The following SUPT3H variants were observed in gnomAD, a reference collection of about 807,000 sequenced individuals.
SUPT3H encodes SPT3 homolog, SAGA and STAGA complex component, also known as transcription initiation protein SPT3 homolog.
Under a neutral mutation model 44.3 loss-of-function variants are expected in SUPT3H, and 44 were observed. The ratio of observed to expected loss-of-function variants is 0.99; its 90% CI spans 0.78 to 1.28. SUPT3H has a LOEUF of 1.28. SUPT3H is among the 50% of genes most tolerant of loss of function. The pLI is 0.00. For synonymous variants in SUPT3H, 124 were observed against 125.6 expected (o/e 0.99, Z 0.09); for missense variants, 380 against 387.1 (o/e 0.98, Z 0.15).
chr6:45,072,968 A>T (rs1794581802), intron 3 of SUPT3H, among the ~76,000 whole-genome samples: 1 of 152,154 alleles, frequency 6.6e-6, no homozygotes. Flanking sequence ...ACGAAACAAT[A>T]GTATCATTTA....
chr6:45,365,371 G>T, intron 1 of SUPT3H, 70 bp from the exon 2 acceptor site: 2 of 1,038,834 alleles, frequency 1.9e-6, no homozygotes, highest in Non-Finnish European at 2.8e-6. Context: ...AAAAAAGAAA[G>T]CAAATATAAA....
chr6:44,909,931 C>T (rs775675421), intron 10 of SUPT3H, among the ~76,000 whole-genome samples: 8 of 152,172 alleles, frequency 5.3e-5, no homozygotes, highest in South Asian at 2.1e-4. Flanking sequence ...AGAACTCTCA[C>T]GAATTGCTGG....
At chr6:45,085,447 C>T (rs993655386) in intron 3 of SUPT3H, among the ~76,000 whole-genome samples, 4 of 152,096 alleles carry the variant, frequency 2.6e-5, no homozygotes, top group African/African-American at 9.7e-5. Context: ...CCTTTTTTTA[C>T]ATCTGACAAA....
chr6:44,973,525 C>G (rs1777889008), intron 6 of SUPT3H, among the ~76,000 whole-genome samples: 1 of 152,140 alleles, frequency 6.6e-6, no homozygotes, highest in Admixed American at 6.5e-5. Flanking sequence ...CAGACTTTCC[C>G]ATATTTTCCT....
intron 2 of SUPT3H, among the ~76,000 whole-genome samples, chr6:45,166,891 T>G (rs1270640556): frequency 6.6e-6 from 1 of 152,182 alleles, no homozygotes; most frequent in African/African-American, 2.4e-5. Flanking sequence ...TTGACGAAGA[T>G]ATGAGTAACT....
Position 45,103,205 on chromosome 6 carries a change from T to C in SUPT3H, c.186+2717A>G, listed in dbSNP as rs151246212. Among the ~76,000 whole-genome samples the C allele has an allele frequency of 3.3e-5, 5 of 152,344 alleles. No homozygotes were observed. In the East Asian group the frequency reaches 9.6e-4, roughly 29 times the overall value. On this transcript the variant is annotated intron_variant, in intron 3 of 10. Coordinates refer to ENST00000371459, the MANE Select transcript of SUPT3H (RefSeq NM_003599.4). ...AGGTAAACAAAACAAGGTTTTCCTC[T>C]AGTTAGGTATATCATTCAATGTAAT...
chr6:45,205,443 TG>T lies in SUPT3H; in HGVS notation c.102-99438del, dbSNP rs1266570019. Among the ~76,000 whole-genome samples, 8 of 152,182 alleles carry T rather than the reference TG, an allele frequency of 5.3e-5. No homozygotes were observed. The East Asian group carries it at 1.2e-3, about 22-fold the overall frequency. ...ACATAATATAAAATTCCTGAAATTC[TG>T]ATAAACTTTATATAATGTATAGCTT... On this transcript the variant is annotated intron_variant, in intron 2 of 10. Transcript: ENST00000371459.
intron 3 of SUPT3H, among the ~76,000 whole-genome samples, chr6:45,033,921 G>C (rs1181758737): frequency 6.6e-6 from 1 of 152,106 alleles, no homozygotes; most frequent in South Asian, 2.1e-4. Flanking sequence ...GAATTTAACT[G>C]GCTGAATCTC....
In SUPT3H at chr6:45,295,270, G is replaced by C. The variant is rs548487192; in HGVS notation, c.101+69931C>G. 2.0e-5 allele frequency among the ~76,000 whole-genome samples: 3 copies of C among 151,778 alleles called. No homozygotes were observed. The South Asian group carries it at 6.3e-4, about 32-fold the overall frequency. ...GAACACTTTTCAACAAATGGTGCTG[G>C]GATACTAGGCTAGCCACATGTAGGA... On this transcript the variant is annotated intron_variant, in intron 2 of 10. Coordinates refer to ENST00000371459, the MANE Select transcript of SUPT3H (RefSeq NM_003599.4).
intron 9 of SUPT3H, among the ~76,000 whole-genome samples, chr6:44,948,815 T>C (rs561322753): frequency 7.4e-4 from 112 of 152,244 alleles, no homozygotes; most frequent in Non-Finnish European, 8.1e-4. Flanking sequence ...AGTTCAACCA[T>C]TGTGGAAGAC....
At chr6:45,123,337 T>G (rs931707405) in intron 2 of SUPT3H, among the ~76,000 whole-genome samples, 11 of 151,986 alleles carry the variant, frequency 7.2e-5, no homozygotes, top group Non-Finnish European at 1.5e-4. Flanking sequence ...AATCATCAAT[T>G]TTTTTAAGTG....
intron 2 of SUPT3H, among the ~76,000 whole-genome samples, chr6:45,363,163 C>G (rs1307087579): frequency 6.6e-6 from 1 of 152,092 alleles, no homozygotes; most frequent in African/African-American, 2.4e-5. Flanking sequence ...ATACTCAACT[C>G]TGGCACAGAG....
intron 10 of SUPT3H, among the ~76,000 whole-genome samples, chr6:44,927,374 A>C (rs1486209701): frequency 1.3e-5 from 2 of 152,174 alleles, no homozygotes; most frequent in Admixed American, 1.3e-4. Flanking sequence ...TAACAGTAGC[A>C]TTTCTTTCAT....
chr6:45,350,032 T>C (rs537864495), intron 2 of SUPT3H, among the ~76,000 whole-genome samples: 2 of 152,232 alleles, frequency 1.3e-5, no homozygotes, highest in Non-Finnish European at 2.9e-5. Flanking sequence ...ATTGCCACTA[T>C]ATGTAAAGAT....
chr6:44,888,667 T>C (rs1290514460), intron 10 of SUPT3H, among the ~76,000 whole-genome samples: 4 of 152,140 alleles, frequency 2.6e-5, no homozygotes, highest in Admixed American at 6.5e-5. Context: ...TCATACTGAA[T>C]GGGCAAAAAC....
At chr6:44,817,170 T>C (rs1415732017) in intron 11 of SUPT3H, among the ~76,000 whole-genome samples, 1 of 151,598 alleles carries the variant, frequency 6.6e-6, no homozygotes, top group African/African-American at 2.4e-5. Context: ...CGAATTGCAT[T>C]TATCCCAGTA....
chr6:45,211,577 G>C (rs371095409), intron 2 of SUPT3H, among the ~76,000 whole-genome samples: 1 of 152,062 alleles, frequency 6.6e-6, no homozygotes, highest in East Asian at 1.9e-4. Context: ...TGGGCCAGGC[G>C]TGGTGGCTCG....
chr6:45,253,500 C>T (rs961149542), intron 2 of SUPT3H, among the ~76,000 whole-genome samples: 17 of 152,004 alleles, frequency 1.1e-4, no homozygotes, highest in African/African-American at 4.1e-4. Flanking sequence ...AGAATCAAAA[C>T]AAATTATAAG....
intron 2 of SUPT3H, among the ~76,000 whole-genome samples, chr6:45,126,937 A>G (rs962857681): frequency 6.6e-6 from 1 of 152,236 alleles, no homozygotes; most frequent in Admixed American, 6.5e-5. Flanking sequence ...ACAAGAGATC[A>G]TGAGTTCTGA....
Sources: gnomAD v4.1 joint callset for allele counts (sites outside exome capture counted in the v4.1 genomes callset) on GRCh38, gnomAD v4.1.1 for gene constraint, MANE v1.5 for transcripts, NCBI Gene and HGNC (gene_info 2026-07-23, HGNC 2026-07-21) for gene names.